The following DYNC2H1 variants were observed in gnomAD, a reference collection of about 807,000 sequenced individuals.
DYNC2H1 encodes dynein cytoplasmic 2 heavy chain 1.
DYNC2H1 carries 410 observed loss-of-function variants against 570.0 expected under a neutral mutation model. That is an observed-to-expected ratio of 0.72 (90% confidence interval 0.66 to 0.78). The LOEUF is 0.78. Ranked by LOEUF, DYNC2H1 falls within the 30% of genes least tolerant of loss-of-function variation. The pLI is 0.00. For missense variants in DYNC2H1, 4,865 were observed against 5,046.4 expected (o/e 0.96, Z 1.09); for synonymous variants, 1,688 against 1,677.6 (o/e 1.01, Z -0.15).
intron 75 of DYNC2H1, among the ~76,000 whole-genome samples, chr11:103,288,736 C>T (rs1440374627): frequency 7.1e-6 from 1 of 140,266 alleles, no homozygotes; most frequent in Non-Finnish European, 1.5e-5. Context: ...GAAAGATTAG[C>T]CAGGCATGGT....
At chr11:103,464,900 G>C (rs1367884640) in intron 87 of DYNC2H1, among the ~76,000 whole-genome samples, 2 of 152,092 alleles carry the variant, frequency 1.3e-5, no homozygotes, top group Non-Finnish European at 2.9e-5. Context: ...ATTTTAGTGT[G>C]TAATTTAACT....
Position 103,168,890 on chromosome 11 carries a change from A to G in DYNC2H1, c.4898A>G (p.Tyr1633Cys), listed in dbSNP as rs1272313761. 3 of 1,613,180 alleles carry G rather than the reference A, an allele frequency of 1.9e-6. No homozygotes were observed. Among genetic ancestry groups the G allele is most frequent in the East Asian group, 2.2e-5 (1 of 44,714 alleles). ...DWAWKKQLRFYMKSDHTCCVQ... is the reference protein window; with the variant it reads ...DWAWKKQLRFCMKSDHTCCVQ... Reference sequence around the variant, plus strand: ...GCTTGGAAAAAACAACTTAGATTCTATATGAAAAGTGATCATACATGTTGT... The same window carrying G: ...GCTTGGAAAAAACAACTTAGATTCTGTATGAAAAGTGATCATACATGTTGT... Residue 1633 changes from tyrosine (Y) to cysteine (C), a missense_variant, in exon 32 of 89, where the codon TAT (tyrosine) becomes TGT (cysteine). Coordinates refer to ENST00000375735, the MANE Select transcript of DYNC2H1 (RefSeq NM_001377.3).
chr11:103,444,930 A>G (rs1944376627), intron 85 of DYNC2H1, among the ~76,000 whole-genome samples: 1 of 152,206 alleles, frequency 6.6e-6, no homozygotes, highest in African/African-American at 2.4e-5. Flanking sequence ...TAGTCTGAGT[A>G]CATGGGAGGT....
At chr11:103,316,739 T>C (rs1937868364) in intron 80 of DYNC2H1, 119 bp downstream of exon 80, 2 of 709,236 alleles carry the variant, frequency 2.8e-6, no homozygotes, top group Non-Finnish European at 4.3e-6. Flanking sequence ...TTGTGCTTTT[T>C]ATTTTATTTT....
Position 103,148,556 on chromosome 11 carries a change from CTG to C in DYNC2H1, c.2888_2889del (p.Val963GlyfsTer5). On this transcript the variant is annotated frameshift_variant, in exon 20 of 89. Coordinates refer to ENST00000375735, the MANE Select transcript of DYNC2H1 (RefSeq NM_001377.3). LOFTEE classifies it high-confidence loss of function. ...GAAGTCTTAACAATTATGCCCCAGT[CTG>C]TGGAAGAAATTGGTGATGCAAATCT... 6.4e-7 allele frequency: 1 copy of C among 1,568,458 alleles called. No homozygotes were observed. The highest frequency in any genetic ancestry group is 8.7e-7 in the Non-Finnish European group (1 of 1,155,212).
At chr11:103,294,182 ATC>A (rs1461964317) in intron 75 of DYNC2H1, among the ~76,000 whole-genome samples, 1 of 152,198 alleles carries the variant, frequency 6.6e-6, no homozygotes, top group African/African-American at 2.4e-5. Flanking sequence ...GAGGTTACAT[ATC>A]TCTGTTACTT....
intron 53 of DYNC2H1, 120 bp from the exon 54 acceptor site, chr11:103,211,669 T>A (rs1863158809): frequency 2.4e-6 from 1 of 422,964 alleles, no homozygotes; most frequent in Non-Finnish European, 4.1e-6. Flanking sequence ...TGCTATCTCA[T>A]ATTTATAACT....
At chr11:103,246,223 C>T (rs777299456) in intron 65 of DYNC2H1, among the ~76,000 whole-genome samples, 1 of 151,988 alleles carries the variant, frequency 6.6e-6, no homozygotes, top group Non-Finnish European at 1.5e-5. Flanking sequence ...AGTGACCTTG[C>T]TAGAATGGAG....
intron 83 of DYNC2H1, among the ~76,000 whole-genome samples, chr11:103,364,342 G>C (rs913173179): frequency 7.9e-5 from 12 of 151,726 alleles, no homozygotes; most frequent in Middle Eastern, 3.4e-3. Flanking sequence ...TTTTTTTTAA[G>C]GGCTGGTATT....
intron 75 of DYNC2H1, among the ~76,000 whole-genome samples, chr11:103,291,677 G>GT (rs1330343660): frequency 9.2e-5 from 14 of 152,006 alleles, no homozygotes. Flanking sequence ...TGCTATTATT[G>GT]TATTAGAGTC....
rs76106449 is a variant in DYNC2H1, at chr11:103,317,702, C to T, written c.11725+1082C>T. ...CGGTCTGAAATGCTTTCCTCCCAAA[C>T]TTTCATATGGCCTTCTTCTTCCTAT... is the stretch of plus-strand genomic sequence containing the variant. On this transcript the variant is annotated intron_variant, in intron 80 of 88. Transcript: ENST00000375735. 9.9e-3 allele frequency among the ~76,000 whole-genome samples: 1,414 copies of T among 143,548 alleles called. 14 individuals carry two copies. The highest frequency in any genetic ancestry group is 0.033 in the African/African-American group (1,342 of 40,128). 94.2% of individuals were successfully genotyped at this position (143,548 alleles called of 152,430 possible). A position where few individuals can be genotyped will look rare whatever the true frequency, so the allele number is the denominator to read the frequency against.
intron 82 of DYNC2H1, among the ~76,000 whole-genome samples, chr11:103,355,848 G>A (rs1940310587): frequency 6.6e-6 from 1 of 152,068 alleles, no homozygotes; most frequent in Non-Finnish European, 1.5e-5. Context: ...AGTAGTTACA[G>A]GTGCACACCA....
At chr11:103,219,006 T>C (rs1275252178) in intron 55 of DYNC2H1, among the ~76,000 whole-genome samples, 11 of 152,154 alleles carry the variant, frequency 7.2e-5, no homozygotes, top group East Asian at 3.9e-4. Flanking sequence ...TACCTTCCAA[T>C]TGGAACAGGA....
At chr11:103,302,470 G>T (rs571471019) in intron 75 of DYNC2H1, among the ~76,000 whole-genome samples, 5 of 152,022 alleles carry the variant, frequency 3.3e-5, no homozygotes, top group Admixed American at 6.6e-5. Context: ...TTAATGATTT[G>T]CATAGAGTCA....
Position 103,303,084 on chromosome 11 carries a change from A to G in DYNC2H1, c.11096-9A>G, listed in dbSNP as rs577384699. ...CTTTTATTTTTAATTTTTAAAATAT[A>G]TATTTTAGGACTGAAAGAGGTGTCC... On this transcript the variant is annotated splice_polypyrimidine_tract_variant and intron_variant, in intron 75 of 88. Coordinates refer to ENST00000375735, the MANE Select transcript of DYNC2H1 (RefSeq NM_001377.3). 3.7e-4 allele frequency: 530 copies of G among 1,441,508 alleles called. 11 individuals carry two copies. The South Asian group carries it at 7.4e-3, about 20-fold the overall frequency. The allele number at this position is 1,441,508 out of a possible 1,614,324, so 89.3% of individuals were successfully genotyped here.
At chr11:103,310,624 T>TAAA (rs1350091550) in intron 78 of DYNC2H1, among the ~76,000 whole-genome samples, 1 of 149,156 alleles carries the variant, frequency 6.7e-6, no homozygotes, top group East Asian at 2.0e-4. Flanking sequence ...AAGCTTTCAT[T>TAAA]AAAAAAGTGT....
chr11:103,471,953 T>C (rs1312631573), intron 88 of DYNC2H1, among the ~76,000 whole-genome samples: 1 of 152,210 alleles, frequency 6.6e-6, no homozygotes, highest in East Asian at 1.9e-4. Context: ...TCTCTTGAAC[T>C]GTTACTTGAA....
intron 73 of DYNC2H1, among the ~76,000 whole-genome samples, chr11:103,284,007 A>G (rs949140311): frequency 1.4e-5 from 1 of 72,278 alleles, no homozygotes; most frequent in Non-Finnish European, 2.9e-5. Context: ...ACTTCCTTGT[A>G]AAAGCTACTT....
rs1317809595 is a variant in DYNC2H1, at chr11:103,319,429, C to A, written c.11726-1600C>A. ...AGAGCAAGTTTCCTAATCTTTAAGCCTGAGTTTCCTGATCTTTAAATTAGG... is the reference window on the plus strand; with the variant it reads ...AGAGCAAGTTTCCTAATCTTTAAGCATGAGTTTCCTGATCTTTAAATTAGG... On this transcript the variant is annotated intron_variant, in intron 80 of 88. Transcript: ENST00000375735. This position sits in a 1 kb window ranked among gnomAD's most constrained non-coding sequence, Gnocchi z 4.3. Among the ~76,000 whole-genome samples, 1 of 152,068 alleles carries A rather than the reference C, an allele frequency of 6.6e-6. No homozygotes were observed. Among genetic ancestry groups the A allele is most frequent in the Non-Finnish European group, 1.5e-5 (1 of 67,994 alleles).
Sources: gnomAD v4.1 joint callset for allele counts (sites outside exome capture counted in the v4.1 genomes callset) on GRCh38, gnomAD v4.1.1 for gene constraint, Gnocchi (gnomAD v3.1) non-coding constraint, MANE v1.5 for transcripts, NCBI Gene and HGNC (gene_info 2026-07-23, HGNC 2026-07-21) for gene names.